Variants in MYOCD observed in about 807,000 individuals in gnomAD.
MYOCD encodes myocardin.
A neutral mutation model predicts 96.1 loss-of-function variants in MYOCD; 32 were observed. The ratio of observed to expected loss-of-function variants is 0.33; its 90% CI spans 0.25 to 0.45. MYOCD has a LOEUF of 0.45. Ranked by LOEUF, MYOCD falls within the 20% of genes least tolerant of loss-of-function variation. The probability of loss-of-function intolerance (pLI) is 1.00; values close to 1 mark genes in which losing one functional copy is unlikely to be tolerated. For synonymous variants in MYOCD, 469 were observed against 469.0 expected (o/e 1.00, Z 0.00); for missense variants, 1,133 against 1,200.6 (o/e 0.94, Z 0.83).
chr17:12,711,082 C>G (rs1190926770), intron 2 of MYOCD, among the ~76,000 whole-genome samples: 2 of 152,100 alleles, frequency 1.3e-5, no homozygotes, highest in Non-Finnish European at 2.9e-5. Context: ...ACTGTTGAGA[C>G]TATTATTGGG....
intron 1 of MYOCD, among the ~76,000 whole-genome samples, chr17:12,683,885 T>C (rs2029948316): frequency 6.6e-6 from 1 of 152,210 alleles, no homozygotes; most frequent in Non-Finnish European, 1.5e-5. Flanking sequence ...TCAGTAAATA[T>C]TGAATGAATG....
At chr17:12,678,427 G>A (rs988022659) in intron 1 of MYOCD, among the ~76,000 whole-genome samples, 1 of 151,852 alleles carries the variant, frequency 6.6e-6, no homozygotes, top group African/African-American at 2.4e-5. Flanking sequence ...GCCTTGTCTG[G>A]GTCTCAGCAA....
chr17:12,756,452 T>G lies in MYOCD; in HGVS notation c.2097T>G (p.Ser699=). The change falls in exon 11 of 14, where the codon TCT becomes TCG. Residue 699 remains serine, a synonymous_variant. Coordinates refer to ENST00000425538, the MANE Select transcript of MYOCD (RefSeq NM_001146312.3). The part of the protein sequence containing the change: ...GAHDGHPPSF[S]PHSSSLHPPF... ...ACGATGGCCATCCTCCAAGCTTCTC[T>G]CCCCATTCTTCCAGCCTCCACCCGC... The G allele has an allele frequency of 5.2e-6, 8 of 1,551,930 alleles. No individual in the cohort carries two copies. The highest frequency in any genetic ancestry group is 7.0e-6 in the Non-Finnish European group (8 of 1,147,068).
Position 12,739,298 on chromosome 17 carries a change from C to A in MYOCD, c.687C>A (p.Ser229Arg). 1 of 1,608,224 alleles carries A rather than the reference C, an allele frequency of 6.2e-7. No individual in the cohort carries two copies. The highest frequency in any genetic ancestry group is 8.5e-7 in the Non-Finnish European group (1 of 1,177,656). The change falls in exon 7 of 14, where the codon AGC becomes AGA. Residue 229 changes from serine to arginine, a missense_variant. By Grantham distance (110) the Ser-to-Arg change is moderately radical (BLOSUM62 -1). Coordinates refer to ENST00000425538, the MANE Select transcript of MYOCD (RefSeq NM_001146312.3). ...DAGKQGLGPP[S>R]TPIAVHAAVK... Reference sequence around the variant, plus strand: ...GGAAGCAGGGGCTTGGCCCCCCCAGCACCCCCATAGCCGTGCATGCTGCTG... The same window carrying A: ...GGAAGCAGGGGCTTGGCCCCCCCAGAACCCCCATAGCCGTGCATGCTGCTG...
chr17:12,754,902 G>A (rs1176137770), intron 10 of MYOCD, among the ~76,000 whole-genome samples: 2 of 152,174 alleles, frequency 1.3e-5, no homozygotes, highest in African/African-American at 4.8e-5. Context: ...TGTCATTGAG[G>A]AAAATGAGGC....
Position 12,752,896 on chromosome 17 carries a change from G to T in MYOCD, c.1608G>T (p.Gln536His), listed in dbSNP as rs1030013587. 3 of 1,614,020 alleles carry T rather than the reference G, an allele frequency of 1.9e-6. No individual in the cohort carries two copies. In the African/African-American group the frequency reaches 4.0e-5, roughly 22 times the overall value. ...TCAATGAACTCACCTGGAAACTCCAGCAAGAGCAGAGGCAGGTGGAGGAGC... is the reference window on the plus strand; with the variant it reads ...TCAATGAACTCACCTGGAAACTCCATCAAGAGCAGAGGCAGGTGGAGGAGC... ...KVINELTWKL[Q>H]QEQRQVEELR... Residue 536 changes from glutamine (Q) to histidine (H), a missense_variant, in exon 10 of 14, where the codon CAG (glutamine) becomes CAT (histidine). By Grantham distance (24) the Gln-to-His change is conservative. Transcript: ENST00000425538.
chr17:12,717,370 G>A lies in MYOCD; in HGVS notation c.202G>A (p.Ala68Thr), dbSNP rs771322950. 1 of 1,614,058 alleles carries A rather than the reference G, an allele frequency of 6.2e-7. No homozygotes were observed. The highest frequency in any genetic ancestry group is 1.1e-5 in the South Asian group (1 of 91,044). ...GGCTAAAAATTCCCTGAAGCGCAAA[G>A]CCAGAAACAGGTGCAACAGTGCCGA... ...DKAKNSLKRKARNRCNSADLV... is the reference protein window; with the variant it reads ...DKAKNSLKRKTRNRCNSADLV... The change falls in exon 4 of 14, where the codon GCC becomes ACC. Residue 68 changes from alanine to threonine, a missense_variant. Physicochemically the swap from Ala to Thr is moderately conservative, Grantham distance 58. Transcript: ENST00000425538.
At position 12,765,150 on chromosome 17, in the gene MYOCD, G is replaced by A. The variant is rs2033302244; in HGVS notation, c.*1506G>A. 1 of 152,092 alleles carries A rather than the reference G, an allele frequency of 6.6e-6. No homozygotes were observed. The highest frequency in any genetic ancestry group is 2.4e-5 in the African/African-American group (1 of 41,404). The allele number at this position is 152,092 out of a possible 1,614,324, so 9.4% of individuals were successfully genotyped here. A position where few individuals can be genotyped will look rare whatever the true frequency, so the allele number is the denominator to read the frequency against. On this transcript the variant is annotated 3_prime_UTR_variant, in exon 14 of 14. Transcript: ENST00000425538. ...ATGTGCATTCCTCATTACCTCTCGTGGCTTTGGCTGGGAGTTGGAAAAAGC... is the reference window on the plus strand; with the variant it reads ...ATGTGCATTCCTCATTACCTCTCGTAGCTTTGGCTGGGAGTTGGAAAAAGC...
intron 5 of MYOCD, among the ~76,000 whole-genome samples, chr17:12,735,820 C>T (rs2032323396): frequency 6.6e-6 from 1 of 152,184 alleles, no homozygotes; most frequent in African/African-American, 2.4e-5. Context: ...TTCCTCTGGC[C>T]TCATTCTGCA....
At chr17:12,738,451 G>A (rs138611807) in intron 6 of MYOCD, among the ~76,000 whole-genome samples, 35 of 151,896 alleles carry the variant, frequency 2.3e-4, no homozygotes, top group Middle Eastern at 3.4e-3. Flanking sequence ...GCATGCGCAC[G>A]CACACACAAA....
chr17:12,666,205 C>G lies in MYOCD; in HGVS notation c.17C>G (p.Ser6Cys), dbSNP rs1427792254. Reference protein sequence around the residue: MTLLGSEHSLLIRSKF... With the variant: MTLLGCEHSLLIRSKF... Reference sequence around the variant, plus strand: ...AGACTCAACATGACACTCCTGGGGTCTGAGCATTCCTTGCTGATTAGGAGC... The same window carrying G: ...AGACTCAACATGACACTCCTGGGGTGTGAGCATTCCTTGCTGATTAGGAGC... Residue 6 changes from serine to cysteine, a missense_variant, in exon 1 of 14, where the codon TCT (serine) becomes TGT (cysteine). Ser to Cys is a moderately radical substitution (Grantham distance 112, BLOSUM62 -1). Coordinates refer to ENST00000425538, the MANE Select transcript of MYOCD (RefSeq NM_001146312.3). 1 of 1,613,816 alleles carries G rather than the reference C, an allele frequency of 6.2e-7. No individual in the cohort carries two copies. Among genetic ancestry groups the G allele is most frequent in the Non-Finnish European group, 8.5e-7 (1 of 1,179,768 alleles).
chr17:12,756,695 C>CAAAAAAAAAAAAAAAAAAAAAAA (rs11307445), intron 11 of MYOCD, 138 bp downstream of exon 11: 13 of 134,338 alleles, frequency 9.7e-5, no homozygotes, highest in Non-Finnish European at 1.4e-4. Context: ...GACTGCATCT[C>CAAAAAAAAAAAAAAAAAAAAAAA]AAAAAAAAAA....
intron 1 of MYOCD, among the ~76,000 whole-genome samples, chr17:12,676,228 T>G (rs1468602577): frequency 7.6e-6 from 1 of 131,298 alleles, no homozygotes; most frequent in Non-Finnish European, 1.6e-5. Flanking sequence ...CTTAGCACCC[T>G]CCCCCTGCGC....
chr17:12,737,719 C>T (rs992360600), intron 6 of MYOCD, among the ~76,000 whole-genome samples: 14 of 152,094 alleles, frequency 9.2e-5, no homozygotes, highest in Non-Finnish European at 1.8e-4. Flanking sequence ...GTTATTTTTT[C>T]CCACTGAAAA....
rs1024650764 is a variant in MYOCD, at chr17:12,767,114, A to G, written c.*3470A>G. 6.6e-6 allele frequency: 1 copy of G among 152,186 alleles called. No individual in the cohort carries two copies. Among genetic ancestry groups the G allele is most frequent in the Admixed American group, 6.6e-5 (1 of 15,264 alleles). 9.4% of individuals were successfully genotyped at this position (152,186 alleles called of 1,614,324 possible). On this transcript the variant is annotated 3_prime_UTR_variant, in exon 14 of 14. Coordinates refer to ENST00000425538, the MANE Select transcript of MYOCD (RefSeq NM_001146312.3). The stretch of plus-strand genomic sequence containing the variant: ...AAAAAAGGGCCAAACTTTCTGATCT[A>G]TGAACTTCTCAGTTCAGCTGTCACA...
At chr17:12,679,584 G>C (rs1397834104) in intron 1 of MYOCD, among the ~76,000 whole-genome samples, 3 of 152,090 alleles carry the variant, frequency 2.0e-5, no homozygotes, top group African/African-American at 7.2e-5. Context: ...GTTTGTATAT[G>C]ATATATAACA....
At chr17:12,748,822 G>C (rs922070457) in intron 9 of MYOCD, among the ~76,000 whole-genome samples, 1 of 152,068 alleles carries the variant, frequency 6.6e-6, no homozygotes, top group East Asian at 1.9e-4. Context: ...AAATCTAAAA[G>C]AAAATGATAA....
chr17:12,666,796 A>T (rs1909404255), intron 1 of MYOCD, among the ~76,000 whole-genome samples: 1 of 152,188 alleles, frequency 6.6e-6, no homozygotes, highest in Non-Finnish European at 1.5e-5. Flanking sequence ...ATTTTTTCCC[A>T]AACCATCTGA....
intron 5 of MYOCD, among the ~76,000 whole-genome samples, chr17:12,724,887 A>G (rs1017039643): frequency 3.9e-5 from 6 of 152,116 alleles, no homozygotes; most frequent in Non-Finnish European, 7.4e-5. Context: ...TGAAAATTAG[A>G]ATCAATTTTT....
Sources: gnomAD v4.1 joint callset for allele counts (sites outside exome capture counted in the v4.1 genomes callset) on GRCh38, gnomAD v4.1.1 for gene constraint, MANE v1.5 for transcripts, NCBI Gene and HGNC (gene_info 2026-07-23, HGNC 2026-07-21) for gene names.